Variants in CMKLR1 observed in about 807,000 individuals in gnomAD.
CMKLR1 encodes the protein chemerin-like receptor 1.
In CMKLR1, 6 loss-of-function variants were observed where a neutral mutation model predicts 8.2. That is an observed-to-expected ratio of 0.73 (90% CI 0.40 to 1.44). The LOEUF is 1.44. Ranked by LOEUF, CMKLR1 falls within the 40% of genes most tolerant of loss-of-function variation. The pLI is 0.02. For missense variants in CMKLR1, 429 were observed against 478.0 expected (o/e 0.90, Z 0.96); for synonymous variants, 178 against 181.2 (o/e 0.98, Z 0.14).
intron 2 of CMKLR1, among the ~76,000 whole-genome samples, chr12:108,300,303 T>C (rs1891235065): frequency 6.6e-6 from 1 of 152,196 alleles, no homozygotes; most frequent in Non-Finnish European, 1.5e-5. Context: ...GAAATCACAT[T>C]GGGGTCACTT....
rs138823485 is a variant in CMKLR1, at chr12:108,296,840, G to A, written c.-73-3176C>T. On this transcript the variant is annotated intron_variant, in intron 2 of 3. Transcript: ENST00000550402. ...ACTGTCTTCAAAAAAAAAAAAAGAG[G>A]GACACAGGTAAGGATTTTGCTTCTC... Among the ~76,000 whole-genome samples the A allele has an allele frequency of 5.2e-3, 795 of 151,954 alleles. 5 individuals are homozygous for A. The highest frequency in any genetic ancestry group is 0.018 in the African/African-American group (747 of 41,450).
chr12:108,322,003 T>C (rs527428340), intron 2 of CMKLR1, among the ~76,000 whole-genome samples: 1 of 151,824 alleles, frequency 6.6e-6, no homozygotes, highest in South Asian at 2.1e-4. Context: ...CCCACAAGAA[T>C]TGATTGTTTA....
intron 2 of CMKLR1, among the ~76,000 whole-genome samples, chr12:108,313,517 G>A (rs564575400): frequency 2.0e-5 from 3 of 152,214 alleles, no homozygotes; most frequent in East Asian, 1.9e-4. Flanking sequence ...CAGACTCCTC[G>A]TCTGTAAAGG....
chr12:108,321,180 C>T (rs1273626371), intron 2 of CMKLR1, among the ~76,000 whole-genome samples: 1 of 152,222 alleles, frequency 6.6e-6, no homozygotes, highest in African/African-American at 2.4e-5. Flanking sequence ...TCCCATTCTC[C>T]TGAGAGCACA....
intron 2 of CMKLR1, among the ~76,000 whole-genome samples, chr12:108,322,338 C>T (rs1307145740): frequency 6.6e-6 from 1 of 152,192 alleles, no homozygotes; most frequent in East Asian, 1.9e-4. Context: ...TAGGGAGACA[C>T]TGGGGTCCAT....
At chr12:108,322,453 G>A (rs373930855) in intron 2 of CMKLR1, among the ~76,000 whole-genome samples, 40 of 152,206 alleles carry the variant, frequency 2.6e-4, no homozygotes, top group East Asian at 5.8e-4. Flanking sequence ...CAGCTGTATC[G>A]TGTGAAAGTG....
chr12:108,306,592 C>G (rs1891414658), intron 2 of CMKLR1, among the ~76,000 whole-genome samples: 1 of 152,196 alleles, frequency 6.6e-6, no homozygotes, highest in Non-Finnish European at 1.5e-5. Flanking sequence ...AACCTATCTA[C>G]CTAGTACACA....
In CMKLR1 at chr12:108,291,637, A is replaced by C; in HGVS notation, c.*204T>G. On this transcript the variant is annotated 3_prime_UTR_variant, in exon 4 of 4. Transcript: ENST00000550402. ...CCAAGAAGCATAAATTGCTAGTCCA[A>C]GGCTGTATGGAACACAGCATGTTCT... The C allele has an allele frequency of 3.4e-6, 2 of 594,570 alleles. No homozygotes were observed. Among genetic ancestry groups the C allele is most frequent in the East Asian group, 2.8e-5 (1 of 35,452 alleles). The allele number at this position is 594,570 out of a possible 1,614,324, so 36.8% of individuals were successfully genotyped here. A position where few individuals can be genotyped will look rare whatever the true frequency, so the allele number is the denominator to read the frequency against.
chr12:108,324,481 T>C lies in CMKLR1; in HGVS notation c.-74+5514A>G, dbSNP rs982185212. On this transcript the variant is annotated intron_variant, in intron 2 of 3. Transcript: ENST00000550402. ...CTCAGACCTGAAAATCCATGAGTTC[T>C]CTACCCCAAGTTTCTCCAAGCAAGC... Among the ~76,000 whole-genome samples the C allele has an allele frequency of 7.9e-5, 12 of 152,226 alleles. No homozygotes were observed. The East Asian group carries it at 1.4e-3, about 17-fold the overall frequency.
At chr12:108,321,909 G>A (rs1891871774) in intron 2 of CMKLR1, among the ~76,000 whole-genome samples, 1 of 152,200 alleles carries the variant, frequency 6.6e-6, no homozygotes, top group Admixed American at 6.5e-5. Context: ...TAGGGCCTAA[G>A]GGCAGTGTCT....
At chr12:108,332,155 G>T (rs955210944) in intron 1 of CMKLR1, among the ~76,000 whole-genome samples, 1 of 152,162 alleles carries the variant, frequency 6.6e-6, no homozygotes, top group Non-Finnish European at 1.5e-5. Flanking sequence ...AAAGAACATG[G>T]CAGACACTCT....
intron 2 of CMKLR1, among the ~76,000 whole-genome samples, chr12:108,295,036 T>G (rs1470255256): frequency 6.6e-6 from 1 of 152,244 alleles, no homozygotes; most frequent in Non-Finnish European, 1.5e-5. Flanking sequence ...ATTTCAGAAG[T>G]GCCCACCAAG....
intron 2 of CMKLR1, among the ~76,000 whole-genome samples, chr12:108,317,112 T>C (rs959714099): frequency 2.0e-4 from 30 of 152,084 alleles, no homozygotes; most frequent in Admixed American, 9.8e-4. Flanking sequence ...CTCAATGTCA[T>C]TGGTTGATTT....
intron 2 of CMKLR1, among the ~76,000 whole-genome samples, chr12:108,303,998 C>T (rs568225591): frequency 2.6e-5 from 4 of 152,318 alleles, no homozygotes; most frequent in South Asian, 2.1e-4. Context: ...CCTAACCCTG[C>T]AAGGTCACTG....
At position 108,292,226 on chromosome 12, in the gene CMKLR1, T is replaced by G; in HGVS notation, c.737A>C (p.Lys246Thr). 6.2e-7 allele frequency: 1 copy of G among 1,614,058 alleles called. No homozygotes were observed. The highest frequency in any genetic ancestry group is 8.5e-7 in the Non-Finnish European group (1 of 1,179,974). ...ITACYLTIVC[K>T]LQRNRLAKTK... is the part of the protein sequence containing the mutation. ...CTTGGCCAGGCGGTTGCGCTGCAGT[T>G]TGCACACGATGGTGAGGTAGCAAGC... is the stretch of plus-strand genomic sequence containing the variant. The change falls in exon 4 of 4, where the codon AAA (lysine) becomes ACA (threonine). Residue 246 changes from lysine (K) to threonine (T), a missense_variant. Coordinates refer to ENST00000550402, the MANE Select transcript of CMKLR1 (RefSeq NM_001142343.2).
At chr12:108,311,526 T>C (rs1423836026) in intron 2 of CMKLR1, among the ~76,000 whole-genome samples, 1 of 152,140 alleles carries the variant, frequency 6.6e-6, no homozygotes, top group Admixed American at 6.5e-5. Flanking sequence ...CTCAGGAGGC[T>C]AAGGTGGGAG....
chr12:108,301,891 T>C (rs983931880), intron 2 of CMKLR1, among the ~76,000 whole-genome samples: 1 of 152,158 alleles, frequency 6.6e-6, no homozygotes, highest in African/African-American at 2.4e-5. Flanking sequence ...GATCCCACCA[T>C]TATAATGGGC....
intron 2 of CMKLR1, among the ~76,000 whole-genome samples, chr12:108,301,798 T>C (rs1252381989): frequency 1.3e-5 from 2 of 152,230 alleles, no homozygotes. Context: ...TTGCTATTTG[T>C]GGCTCCACTC....
At chr12:108,327,942 C>T (rs895656585) in intron 2 of CMKLR1, among the ~76,000 whole-genome samples, 4 of 152,310 alleles carry the variant, frequency 2.6e-5, no homozygotes, top group Non-Finnish European at 2.9e-5. Context: ...GCCTGACAAT[C>T]TCCTCCCGGG....
Sources: allele counts gnomAD v4.1 joint callset (sites outside exome capture counted in the v4.1 genomes callset), GRCh38; gene constraint gnomAD v4.1.1; transcripts MANE v1.5; gene names NCBI Gene and HGNC (gene_info 2026-07-23, HGNC 2026-07-21).